TEAD1: variants seen among roughly 807,000 people sequenced by gnomAD.
The protein encoded by TEAD1 is transcriptional enhancer factor TEF-1.
Under a neutral mutation model 54.9 loss-of-function variants are expected in TEAD1, and 9 were observed. That is an observed-to-expected ratio of 0.16 (90% CI 0.10 to 0.29). TEAD1 has a LOEUF of 0.29. Ranked by LOEUF, TEAD1 falls within the 10% of genes least tolerant of loss-of-function variation. The pLI is 1.00. For missense variants in TEAD1, 387 were observed against 535.9 expected (o/e 0.72, Z 2.74); for synonymous variants, 200 against 187.8 (o/e 1.07, Z -0.53).
intron 2 of TEAD1, among the ~76,000 whole-genome samples, chr11:12,763,197 T>A (rs1237563427): frequency 6.6e-6 from 1 of 152,248 alleles, no homozygotes; most frequent in Non-Finnish European, 1.5e-5. Context: ...GACCATAGGT[T>A]ATATACATAA....
chr11:12,717,184 G>T (rs1465061081), intron 2 of TEAD1, among the ~76,000 whole-genome samples: 1 of 151,158 alleles, frequency 6.6e-6, no homozygotes, highest in Non-Finnish European at 1.5e-5. Flanking sequence ...GGGCTAATAA[G>T]TAGCCAGCAG....
chr11:12,904,883 T>C, intron 10 of TEAD1: 1 of 357,836 alleles, frequency 2.8e-6, no homozygotes, highest in South Asian at 2.4e-5. Context: ...TTACGGCAAA[T>C]TCAAAACCCA....
intron 2 of TEAD1, among the ~76,000 whole-genome samples, chr11:12,680,081 G>A: frequency 6.6e-6 from 1 of 152,004 alleles, no homozygotes; most frequent in East Asian, 1.9e-4. Flanking sequence ...GTATTTGACA[G>A]AAATCATTGT....
chr11:12,719,968 TTTTTTTTTTTTTTTTTTTTTTTTTTTG>T (rs1564917620), intron 2 of TEAD1, among the ~76,000 whole-genome samples: 4,693 of 61,306 alleles, frequency 0.077, 658 homozygotes, highest in African/African-American at 0.32. Flanking sequence ...TTTTTTTTTT[TTTTTTTTTTTTTTTTTTTTTTTTTTTG>T]GGGGGGGACC....
rs201373762 is a variant in TEAD1 at position 12,902,101 on chromosome 11, C to G, written c.861C>G (p.Leu287=). 10 of 1,614,096 alleles carry G rather than the reference C, an allele frequency of 6.2e-6. No homozygotes were observed. The highest frequency in any genetic ancestry group is 6.8e-6 in the Non-Finnish European group (8 of 1,180,052). Residue 287 remains leucine (L), a synonymous_variant, in exon 10 of 13, where the codon CTC becomes CTG. Transcript: ENST00000527636. ...AGGGCCCTCAAAATGCCTTCTTCCT[C>G]GTAAAATTCTGGGTGAGTAAGACAT...
At chr11:12,864,258 T>C (rs1248853859) in intron 4 of TEAD1, among the ~76,000 whole-genome samples, 1 of 152,162 alleles carries the variant, frequency 6.6e-6, no homozygotes, top group African/African-American at 2.4e-5. Context: ...CTCTTCTAAA[T>C]TGAGAAAAAG....
At chr11:12,792,841 A>G (rs1349771114) in intron 3 of TEAD1, among the ~76,000 whole-genome samples, 1 of 152,166 alleles carries the variant, frequency 6.6e-6, no homozygotes, top group Admixed American at 6.5e-5. Flanking sequence ...GGATTGTTTG[A>G]TGCCAAGAGT....
intron 3 of TEAD1, among the ~76,000 whole-genome samples, chr11:12,766,388 C>G (rs1246728310): frequency 6.6e-6 from 1 of 152,164 alleles, no homozygotes; most frequent in Non-Finnish European, 1.5e-5. Flanking sequence ...GTAATTGGGT[C>G]TCAGAGGCAG....
chr11:12,816,720 T>A (rs1236778782), intron 3 of TEAD1, among the ~76,000 whole-genome samples: 1 of 152,186 alleles, frequency 6.6e-6, no homozygotes, highest in African/African-American at 2.4e-5. Flanking sequence ...GCTATTTATT[T>A]AGCACATCTT....
chr11:12,828,932 A>G (rs56009475), intron 3 of TEAD1, among the ~76,000 whole-genome samples: 6,869 of 150,978 alleles, frequency 0.045, 559 homozygotes, highest in African/African-American at 0.16. Context: ...TGTTGTGTAT[A>G]TTTCTGCAGA....
At chr11:12,829,793 G>T (rs749709394) in intron 3 of TEAD1, among the ~76,000 whole-genome samples, 1 of 152,166 alleles carries the variant, frequency 6.6e-6, no homozygotes, top group African/African-American at 2.4e-5. Context: ...ACTGTATCTG[G>T]TGCTTTACTC....
chr11:12,678,846 C>T (rs186254924), intron 2 of TEAD1, among the ~76,000 whole-genome samples: 40 of 152,208 alleles, frequency 2.6e-4, no homozygotes, highest in African/African-American at 8.9e-4. Context: ...GAAATTTGAC[C>T]ATTTTTTCAA....
intron 3 of TEAD1, among the ~76,000 whole-genome samples, chr11:12,853,904 A>AAC (rs1224649203): frequency 1.3e-5 from 2 of 152,206 alleles, no homozygotes; most frequent in African/African-American, 4.8e-5. Flanking sequence ...ACCAGGAGTT[A>AAC]ACACAGCCTT....
intron 3 of TEAD1, among the ~76,000 whole-genome samples, chr11:12,792,443 T>C (rs1036944195): frequency 5.3e-5 from 8 of 152,178 alleles, no homozygotes; most frequent in African/African-American, 1.9e-4. Flanking sequence ...GAAATCTTGT[T>C]GCTTTTCTCT....
intron 2 of TEAD1, among the ~76,000 whole-genome samples, chr11:12,761,305 T>A (rs1945098568): frequency 6.6e-6 from 1 of 152,188 alleles, no homozygotes. Context: ...GAAATTTTTT[T>A]CTTATATTGA....
At chr11:12,868,371 C>T (rs1947668647) in intron 5 of TEAD1, among the ~76,000 whole-genome samples, 1 of 152,340 alleles carries the variant, frequency 6.6e-6, no homozygotes. Flanking sequence ...GCTGTCCCTT[C>T]CAGCCTTTAC....
chr11:12,821,663 G>GA (rs1273366712), intron 3 of TEAD1, among the ~76,000 whole-genome samples: 2 of 151,672 alleles, frequency 1.3e-5, no homozygotes, highest in East Asian at 3.9e-4. Context: ...AAAGATTATG[G>GA]AAAAAAATGA....
At chr11:12,696,735 G>A (rs181305146) in intron 2 of TEAD1, among the ~76,000 whole-genome samples, 253 of 152,130 alleles carry the variant, frequency 1.7e-3, no homozygotes, top group African/African-American at 5.9e-3. Flanking sequence ...TACACCCTGC[G>A]TGCTGTCCTA....
Position 12,833,549 on chromosome 11 carries a change from A to G in TEAD1, c.203-28701A>G, listed in dbSNP as rs143330742. Among the ~76,000 whole-genome samples, 564 of 152,278 alleles carry G rather than the reference A, an allele frequency of 3.7e-3. 10 individuals carry two copies. The highest frequency in any genetic ancestry group is 0.014 in the Middle Eastern group (4 of 294). On this transcript the variant is annotated intron_variant, in intron 3 of 12. Coordinates refer to ENST00000527636, the MANE Select transcript of TEAD1 (RefSeq NM_021961.6). ...TAGACTGGGCATGTAAAATCTGAAA[A>G]TGTGGAATTTGCATTACCTCCTGCT...
Sources: allele counts gnomAD v4.1 joint callset (sites outside exome capture counted in the v4.1 genomes callset), GRCh38; gene constraint gnomAD v4.1.1; transcripts MANE v1.5; gene names NCBI Gene and HGNC (gene_info 2026-07-23, HGNC 2026-07-21).